EEF2K: variants seen among roughly 807,000 people sequenced by gnomAD.
EEF2K encodes eukaryotic elongation factor 2 kinase.
EEF2K carries 70 observed loss-of-function variants against 93.8 expected under a neutral mutation model. The ratio of observed to expected loss-of-function variants is 0.75; its 90% CI spans 0.62 to 0.91. The LOEUF is 0.91. Ranked by LOEUF, EEF2K falls within the 40% of genes least tolerant of loss-of-function variation. The pLI is 0.00. For missense variants in EEF2K, 935 were observed against 972.9 expected, an observed-to-expected ratio of 0.96 and a Z score of 0.52; for synonymous variants, 376 against 380.8, an observed-to-expected ratio of 0.99 and a Z score of 0.15.
intron 8 of EEF2K, 48 bp from the exon 9 acceptor site, chr16:22,257,595 C>G: frequency 3.1e-6 from 5 of 1,599,922 alleles, no homozygotes; most frequent in Middle Eastern, 3.3e-4. Context: ...TGCCTGTCCC[C>G]CGTCACAGAG....
chr16:22,225,329 G>GC (rs2047051801), intron 1 of EEF2K, among the ~76,000 whole-genome samples: 1 of 152,188 alleles, frequency 6.6e-6, no homozygotes, highest in Non-Finnish European at 1.5e-5. Context: ...AAAGGAAGCT[G>GC]CCAGGGGTGG....
chr16:22,244,570 C>A, intron 2 of EEF2K, 60 bp from the exon 3 acceptor site: 2 of 1,550,490 alleles, frequency 1.3e-6, no homozygotes, highest in Non-Finnish European at 1.8e-6. Context: ...GGAGTCCACG[C>A]TGTCCCCAAA....
chr16:22,271,073 G>A (rs1165350290), intron 15 of EEF2K, among the ~76,000 whole-genome samples: 6 of 150,464 alleles, frequency 4.0e-5, no homozygotes, highest in Admixed American at 1.3e-4. Context: ...AGGTTCAAAC[G>A]ATTCTCCTGC....
chr16:22,280,056 T>G, intron 16 of EEF2K, 142 bp from the exon 17 acceptor site: 2 of 652,634 alleles, frequency 3.1e-6, no homozygotes, highest in Non-Finnish European at 4.7e-6. Context: ...CATAGATGTA[T>G]TGGCCTTGGA....
intron 15 of EEF2K, 81 bp downstream of exon 15, chr16:22,266,957 G>C: frequency 1.3e-6 from 2 of 1,492,228 alleles, no homozygotes; most frequent in South Asian, 1.3e-5. Context: ...CATCCTGGAA[G>C]TCATGCATTC....
In EEF2K at chr16:22,273,631, A is replaced by T; in HGVS notation, c.1770A>T (p.Thr590=). Residue 590 remains threonine (T), a synonymous_variant, in exon 16 of 18, where the codon ACA becomes ACT. Transcript: ENST00000263026. ...TCTTTGGTTTGTATCAACAGGAGAC[A>T]GAAGAGAACAAAACCAAAGGATTTG... ...HILADVSLKE[T]EENKTKGFDY... 1 of 1,614,148 alleles carries T rather than the reference A, an allele frequency of 6.2e-7. No individual in the cohort carries two copies. The highest frequency in any genetic ancestry group is 1.1e-5 in the South Asian group (1 of 91,082).
At chr16:22,246,758 G>A (rs187391200) in intron 3 of EEF2K, among the ~76,000 whole-genome samples, 14 of 151,640 alleles carry the variant, frequency 9.2e-5, no homozygotes, top group Non-Finnish European at 5.9e-5. Context: ...AACTAGAATT[G>A]GCCGGGTGCG....
chr16:22,257,235 C>T lies in EEF2K; in HGVS notation c.769-18C>T. On this transcript the variant is annotated intron_variant, in intron 7 of 17. Coordinates refer to ENST00000263026, the MANE Select transcript of EEF2K (RefSeq NM_013302.5). The stretch of plus-strand genomic sequence containing the variant: ...AGCCTGTCTCTTGACATCTCGTTTT[C>T]CTTCCTGTCCCCTGTAGGCCTTCAG... 1 of 1,614,044 alleles carries T rather than the reference C, an allele frequency of 6.2e-7. No individual in the cohort carries two copies. The highest frequency in any genetic ancestry group is 8.5e-7 in the Non-Finnish European group (1 of 1,179,982).
At chr16:22,271,593 G>T (rs2047583141) in intron 15 of EEF2K, among the ~76,000 whole-genome samples, 1 of 151,664 alleles carries the variant, frequency 6.6e-6, no homozygotes, top group Non-Finnish European at 1.5e-5. Flanking sequence ...CCAGCTACTT[G>T]GGAGAGTGAG....
rs186414583 is a variant in EEF2K at position 22,257,612 on chromosome 16, A to G, written c.902-31A>G. On this transcript the variant is annotated intron_variant, in intron 8 of 17. Transcript: ENST00000263026. ...CCTGTCCCCCGTCACAGAGCAAAGC[A>G]ACACTCCAGACACCCCCGCTCTGTC... 1,149 of 1,608,292 alleles carry G rather than the reference A, an allele frequency of 7.1e-4. 6 individuals carry two copies. The African/African-American group carries it at 0.013, about 19-fold the overall frequency.
rs1358652390 is a variant in EEF2K at position 22,266,400 on chromosome 16, A to G, written c.1451A>G (p.Glu484Gly). 1 of 1,613,876 alleles carries G rather than the reference A, an allele frequency of 6.2e-7. No individual in the cohort carries two copies. Among genetic ancestry groups the G allele is most frequent in the Non-Finnish European group, 8.5e-7 (1 of 1,180,010 alleles). ...SLGSSGRVCV[E>G]KWNLLNSSRL... ...GTTCTTTCCCTTCAGGTATGTGTAGAGAAGTGGAATCTCCTCAACTCCTCC... is the reference window on the plus strand; with the variant it reads ...GTTCTTTCCCTTCAGGTATGTGTAGGGAAGTGGAATCTCCTCAACTCCTCC... Residue 484 changes from glutamate (E) to glycine (G), a missense_variant, in exon 14 of 18, where the codon GAG (glutamate) becomes GGG (glycine). Glu to Gly is a moderately conservative substitution (Grantham distance 98). Coordinates refer to ENST00000263026, the MANE Select transcript of EEF2K (RefSeq NM_013302.5).
At chr16:22,264,636 C>T (rs2047499507) in intron 12 of EEF2K, among the ~76,000 whole-genome samples, 182 bp from the exon 13 acceptor site, 1 of 152,138 alleles carries the variant, frequency 6.6e-6, no homozygotes, top group African/African-American at 2.4e-5. Flanking sequence ...GACCCAGCAT[C>T]CCTTCTGCTT....
At chr16:22,269,955 CTTTTTTTT>C (rs60467730) in intron 15 of EEF2K, among the ~76,000 whole-genome samples, 1 of 141,798 alleles carries the variant, frequency 7.1e-6, no homozygotes, top group African/African-American at 2.6e-5. Flanking sequence ...CTTCCTGATT[CTTTTTTTT>C]TTTTTTTAAT....
rs974677204 is a variant in EEF2K at position 22,248,643 on chromosome 16, G to A, written c.348-112G>A. On this transcript the variant is annotated intron_variant, in intron 3 of 17. Transcript: ENST00000263026. ...GCTGGGCTATGGGCCAAGGTGGAGAGTGGGTTGGTTCTGAGGTCAGTGGGG... is the reference window on the plus strand; with the variant it reads ...GCTGGGCTATGGGCCAAGGTGGAGAATGGGTTGGTTCTGAGGTCAGTGGGG... 7.7e-6 allele frequency: 10 copies of A among 1,306,462 alleles called. No homozygotes were observed. The African/African-American group carries it at 1.2e-4, about 15-fold the overall frequency. 80.9% of individuals were successfully genotyped at this position (1,306,462 alleles called of 1,614,324 possible). A position where few individuals can be genotyped will look rare whatever the true frequency, so the allele number is the denominator to read the frequency against.
chr16:22,283,991 G>A lies in EEF2K; in HGVS notation c.2173G>A (p.Glu725Lys), dbSNP rs767238470. The A allele has an allele frequency of 1.9e-6, 3 of 1,572,608 alleles. No individual in the cohort carries two copies. The highest frequency in any genetic ancestry group is 1.2e-5 in the South Asian group (1 of 85,590). ...KAEEAWAQME[E>K] is the part of the protein sequence containing the mutation. ...TGAAGAGGCCTGGGCCCAGATGGAG[G>A]AGTAACCAGGAAAATCACTGCCGGC... is the stretch of plus-strand genomic sequence containing the variant. The change falls in exon 18 of 18, where the codon GAG becomes AAG. Residue 725 changes from glutamate to lysine, a missense_variant. Physicochemically the swap from Glu to Lys is moderately conservative, Grantham distance 56. Transcript: ENST00000263026.
In EEF2K at chr16:22,257,696, G is replaced by C; in HGVS notation, c.955G>C (p.Glu319Gln). Residue 319 changes from glutamate (E) to glutamine (Q), a missense_variant, in exon 9 of 18, where the codon GAG becomes CAG. By Grantham distance (29) the Glu-to-Gln change is conservative (BLOSUM62 2). Transcript: ENST00000263026. ...FYSHACNRIC[E>Q]SMGLAPFDLS... ...CTCTCATGCCTGCAACCGGATTTGC[G>C]AGAGCATGGGCCTTGCTCCCTTTGA... 2 of 1,613,990 alleles carry C rather than the reference G, an allele frequency of 1.2e-6. No individual in the cohort carries two copies. The highest frequency in any genetic ancestry group is 1.7e-6 in the Non-Finnish European group (2 of 1,180,044).
intron 5 of EEF2K, 141 bp downstream of exon 5, chr16:22,250,832 T>C (rs2047342568): frequency 1.8e-6 from 2 of 1,127,898 alleles, no homozygotes; most frequent in African/African-American, 3.1e-5. Flanking sequence ...GTCCATCTAG[T>C]CTCCCTCGGG....
At chr16:22,274,972 T>C (rs1359903251) in intron 16 of EEF2K, among the ~76,000 whole-genome samples, 3 of 152,194 alleles carry the variant, frequency 2.0e-5, no homozygotes, top group African/African-American at 2.4e-5. Flanking sequence ...GGCTTGCCCA[T>C]GGTCAAATAT....
At chr16:22,263,014 A>C (rs542334184) in intron 11 of EEF2K, 96 bp from the exon 12 acceptor site, 326 of 1,143,186 alleles carry the variant, frequency 2.9e-4, no homozygotes, top group Middle Eastern at 1.9e-3. Flanking sequence ...AATGGGACAG[A>C]GGGGAGAAAG....
Sources: gnomAD v4.1 joint callset for allele counts (sites outside exome capture counted in the v4.1 genomes callset) on GRCh38, gnomAD v4.1.1 for gene constraint, MANE v1.5 for transcripts, NCBI Gene and HGNC (gene_info 2026-07-23, HGNC 2026-07-21) for gene names.